Variants in BMP2 observed in about 807,000 individuals in gnomAD.
BMP2 encodes bone morphogenetic protein 2.
Under a neutral mutation model 28.8 loss-of-function variants are expected in BMP2, and 2 were observed. The ratio of observed to expected loss-of-function variants is 0.07; its 90% CI spans 0.03 to 0.22. BMP2 has a LOEUF of 0.22. Ranked by LOEUF, BMP2 falls within the 10% of genes least tolerant of loss-of-function variation. The probability of loss-of-function intolerance (pLI) is 1.00; values close to 1 mark genes in which losing one functional copy is unlikely to be tolerated. For missense variants in BMP2, 437 were observed against 517.7 expected (o/e 0.84, Z 1.51); for synonymous variants, 218 against 204.3 (o/e 1.07, Z -0.57).
At chr20:6,770,499 C>T (rs1986376650) in intron 2 of BMP2, 27 bp downstream of exon 2, 2 of 1,549,322 alleles carry the variant, frequency 1.3e-6, no homozygotes, top group Non-Finnish European at 1.7e-6. Flanking sequence ...GGCGTGGGGG[C>T]GGGGAGTCAC....
chr20:6,777,459 G>A lies in BMP2; in HGVS notation c.347-786G>A, dbSNP rs113987286. 3.8e-3 allele frequency among the ~76,000 whole-genome samples: 584 copies of A among 152,182 alleles called. 2 individuals carry two copies. Among genetic ancestry groups the A allele is most frequent in the Non-Finnish European group, 6.6e-3 (446 of 68,018 alleles). On this transcript the variant is annotated intron_variant, in intron 2 of 2. Coordinates refer to ENST00000378827, the MANE Select transcript of BMP2 (RefSeq NM_001200.4). ...ATAAAGGCATTGCAAACAGAAGACA[G>A]GTCATTTATTTTTCTTCCAAAAGCA...
chr20:6,775,795 G>A (rs113311434), intron 2 of BMP2, among the ~76,000 whole-genome samples: 13 of 152,260 alleles, frequency 8.5e-5, no homozygotes, highest in African/African-American at 3.1e-4. Flanking sequence ...CCATGTGGGT[G>A]TGTACGTGTG....
chr20:6,776,854 T>A (rs945122377), intron 2 of BMP2, among the ~76,000 whole-genome samples: 1 of 152,140 alleles, frequency 6.6e-6, no homozygotes, highest in Non-Finnish European at 1.5e-5. Context: ...CTAAGGCATC[T>A]AGATTCAGTG....
In BMP2 at chr20:6,768,316, C is replaced by T. The variant is rs927371742; in HGVS notation, c.-567C>T. The T allele has an allele frequency of 2.5e-5, 10 of 397,650 alleles. No individual in the cohort carries two copies. Among genetic ancestry groups the T allele is most frequent in the Non-Finnish European group, 4.0e-5 (9 of 225,604 alleles). The allele number at this position is 397,650 out of a possible 1,614,324, so 24.6% of individuals were successfully genotyped here. On this transcript the variant is annotated 5_prime_UTR_variant, in exon 1 of 3. Coordinates refer to ENST00000378827, the MANE Select transcript of BMP2 (RefSeq NM_001200.4). ...ACTCGCCTGGCACCGAGATCGCCGCCGTGCCCTTCCCTGGACCCGGCGTCG... is the reference window on the plus strand; with the variant it reads ...ACTCGCCTGGCACCGAGATCGCCGCTGTGCCCTTCCCTGGACCCGGCGTCG...
In BMP2 at chr20:6,770,378, C is replaced by A; in HGVS notation, c.252C>A (p.Arg84=). 6.2e-7 allele frequency: 1 copy of A among 1,613,316 alleles called. No individual in the cohort carries two copies. Among genetic ancestry groups the A allele is most frequent in the Non-Finnish European group, 8.5e-7 (1 of 1,179,954 alleles). Residue 84 remains arginine (R), a synonymous_variant, in exon 2 of 3, where the codon CGC becomes CGA. Coordinates refer to ENST00000378827, the MANE Select transcript of BMP2 (RefSeq NM_001200.4). The part of the protein sequence containing the change: ...VVPPYMLDLY[R]RHSGQPGSPA... ...CCCCCTACATGCTAGACCTGTATCG[C>A]AGGCACTCAGGTCAGCCGGGCTCAC...
intron 2 of BMP2, 55 bp downstream of exon 2, chr20:6,770,527 C>G: frequency 6.7e-7 from 1 of 1,493,686 alleles, no homozygotes; most frequent in African/African-American, 1.4e-5. Context: ...AGCCCTCCAC[C>G]GTGGGCAGAC....
Position 6,779,169 on chromosome 20 carries a change from C to T in BMP2, c.*80C>T, listed in dbSNP as rs1228399711. Reference sequence around the variant, plus strand: ...AAAAAAACAAACAAACAAAAAAACCCCACCCCAGTTGACACTTTAATATTT... The same window carrying T: ...AAAAAAACAAACAAACAAAAAAACCTCACCCCAGTTGACACTTTAATATTT... On this transcript the variant is annotated 3_prime_UTR_variant, in exon 3 of 3. Transcript: ENST00000378827. 4.4e-6 allele frequency: 3 copies of T among 680,478 alleles called. No homozygotes were observed. Among genetic ancestry groups the T allele is most frequent in the Non-Finnish European group, 5.8e-6 (3 of 513,256 alleles). The allele number at this position is 680,478 out of a possible 1,614,324, so 42.2% of individuals were successfully genotyped here.
intron 2 of BMP2, among the ~76,000 whole-genome samples, chr20:6,772,000 A>G (rs1728118048): frequency 1.3e-5 from 2 of 152,298 alleles, no homozygotes; most frequent in Non-Finnish European, 1.5e-5. Context: ...ACTGTTTTAG[A>G]CACCTCTTCT....
chr20:6,771,181 G>A (rs1290192381), intron 2 of BMP2, among the ~76,000 whole-genome samples: 1 of 138,858 alleles, frequency 7.2e-6, no homozygotes. Flanking sequence ...CATGTGCACC[G>A]AAATGTGGAT....
chr20:6,773,711 G>A (rs235765), intron 2 of BMP2, among the ~76,000 whole-genome samples: 4,911 of 152,038 alleles, frequency 0.032, 268 homozygotes, highest in African/African-American at 0.11. Context: ...AAAATGGAAT[G>A]TTTTTAACCT....
chr20:6,768,981 C>T, intron 1 of BMP2, 106 bp downstream of exon 1: 2 of 397,370 alleles, frequency 5.0e-6, no homozygotes, highest in Non-Finnish European at 8.9e-6. Flanking sequence ...AGTAAACAGA[C>T]CCCTCTCCAG....
At chr20:6,770,080 G>T (rs1347117736) in intron 1 of BMP2, 40 bp from the exon 2 acceptor site, 1 of 1,492,146 alleles carries the variant, frequency 6.7e-7, no homozygotes, top group Non-Finnish European at 8.9e-7. Flanking sequence ...GGGAGGACTG[G>T]GCGGGGAACT....
chr20:6,774,574 G>T (rs964314518), intron 2 of BMP2, among the ~76,000 whole-genome samples: 6 of 152,070 alleles, frequency 3.9e-5, no homozygotes, highest in Admixed American at 1.3e-4. Context: ...CCTGAGAAGC[G>T]CAGTAGATTC....
In BMP2 at chr20:6,779,628, A is replaced by G. The variant is rs1281277778; in HGVS notation, c.*539A>G. 2 of 152,642 alleles carry G rather than the reference A, an allele frequency of 1.3e-5. No homozygotes were observed. Among genetic ancestry groups the G allele is most frequent in the Non-Finnish European group, 2.9e-5 (2 of 68,044 alleles). 9.5% of individuals were successfully genotyped at this position (152,642 alleles called of 1,614,324 possible). ...CACAAGTTCAAGTCCAGAAAAAAAAAGTGGATAATCCACTCTGCTGACTTT... is the reference window on the plus strand; with the variant it reads ...CACAAGTTCAAGTCCAGAAAAAAAAGGTGGATAATCCACTCTGCTGACTTT... On this transcript the variant is annotated 3_prime_UTR_variant, in exon 3 of 3. Transcript: ENST00000378827.
Position 6,778,452 on chromosome 20 carries a change from A to G in BMP2, c.554A>G (p.Lys185Arg), listed in dbSNP as rs749999118. ...ATAAAACCTGCAACAGCCAACTCGA[A>G]ATTCCCCGTGACCAGACTTTTGGAC... The part of the protein sequence containing the change: ...EIIKPATANS[K>R]FPVTRLLDTR... The change falls in exon 3 of 3, where the codon AAA becomes AGA. Residue 185 changes from lysine to arginine, a missense_variant. Physicochemically the swap from Lys to Arg is conservative, Grantham distance 26. This residue lies in a region of BMP2 where 363 missense variants were observed against 392.8 expected (regional missense o/e 0.92). Coordinates refer to ENST00000378827, the MANE Select transcript of BMP2 (RefSeq NM_001200.4). The surrounding 1 kb of genome is among the most constrained non-coding windows in gnomAD (Gnocchi z 5.0). 15 of 1,614,184 alleles carry G rather than the reference A, an allele frequency of 9.3e-6. No homozygotes were observed. The South Asian group carries it at 1.5e-4, about 17-fold the overall frequency.
rs1986553110 is a variant in BMP2 at position 6,778,590 on chromosome 20, C to T, written c.692C>T (p.Ala231Val). ...AACCATGGATTCGTGGTGGAAGTGG[C>T]CCACTTGGAGGAGAAACAAGGTGTC... ...HANHGFVVEV[A>V]HLEEKQGVSK... is the part of the protein sequence containing the mutation. Residue 231 changes from alanine (A) to valine (V), a missense_variant, in exon 3 of 3, where the codon GCC (alanine) becomes GTC (valine). Physicochemically the swap from Ala to Val is moderately conservative, Grantham distance 64 (BLOSUM62 0). Around this residue, in one of 2 missense-constraint regions of BMP2, gnomAD observed 363 missense variants for 392.8 expected, o/e 0.92. Coordinates refer to ENST00000378827, the MANE Select transcript of BMP2 (RefSeq NM_001200.4). This position sits in a 1 kb window ranked among gnomAD's most constrained non-coding sequence, Gnocchi z 5.0. 1.2e-6 allele frequency: 2 copies of T among 1,613,846 alleles called. No homozygotes were observed. The highest frequency in any genetic ancestry group is 2.7e-5 in the African/African-American group (2 of 74,866).
chr20:6,777,103 ATGT>A (rs140858394), intron 2 of BMP2, among the ~76,000 whole-genome samples: 165 of 152,268 alleles, frequency 1.1e-3, no homozygotes, highest in Middle Eastern at 3.4e-3. Context: ...TTTAATAATA[ATGT>A]TGTACCTTTG....
rs372058568 is a variant in BMP2, at chr20:6,770,100, C to T, written c.-7-20C>T. ...GACTGGGCGGGGAACTCGGGTGACT[C>T]ACGTCGGTCCTGTCCGCAGGTCGAC... On this transcript the variant is annotated intron_variant, in intron 1 of 2. Coordinates refer to ENST00000378827, the MANE Select transcript of BMP2 (RefSeq NM_001200.4). 3.6e-5 allele frequency: 54 copies of T among 1,510,404 alleles called. No homozygotes were observed. Among genetic ancestry groups the T allele is most frequent in the Non-Finnish European group, 4.8e-5 (54 of 1,126,622 alleles). The allele number at this position is 1,510,404 out of a possible 1,614,324, so 93.6% of individuals were successfully genotyped here. A position where few individuals can be genotyped will look rare whatever the true frequency, so the allele number is the denominator to read the frequency against.
rs1318885556 is a variant in BMP2 at position 6,770,425 on chromosome 20, A to G, written c.299A>G (p.Glu100Gly). 6 of 1,610,466 alleles carry G rather than the reference A, an allele frequency of 3.7e-6. No homozygotes were observed. In the South Asian group the frequency reaches 5.5e-5, roughly 15 times the overall value. Residue 100 changes from glutamate to glycine, a missense_variant, in exon 2 of 3, where the codon GAG becomes GGG. Physicochemically the swap from Glu to Gly is moderately conservative, Grantham distance 98. Coordinates refer to ENST00000378827, the MANE Select transcript of BMP2 (RefSeq NM_001200.4). ...PGSPAPDHRL[E>G]RAASRANTVR... is the part of the protein sequence containing the mutation. ...TCACCCGCCCCAGACCACCGGTTGG[A>G]GAGGGCAGCCAGCCGAGCCAACACT...
Sources: gnomAD v4.1 joint callset for allele counts (sites outside exome capture counted in the v4.1 genomes callset) on GRCh38, gnomAD v4.1.1 for gene constraint, gnomAD v4.1.1 regional missense constraint, Gnocchi (gnomAD v3.1) non-coding constraint, MANE v1.5 for transcripts, NCBI Gene and HGNC (gene_info 2026-07-23, HGNC 2026-07-21) for gene names.